Variants in UHRF2 observed in about 807,000 individuals in gnomAD.
UHRF2 encodes the protein ubiquitin like with PHD and ring finger domains 2.
A neutral mutation model predicts 96.8 loss-of-function variants in UHRF2; 23 were observed. The ratio of observed to expected loss-of-function variants is 0.24; its 90% CI spans 0.17 to 0.34. The LOEUF is 0.34. Ranked by LOEUF, UHRF2 falls within the 10% of genes least tolerant of loss-of-function variation. The probability of loss-of-function intolerance (pLI) is 1.00; values close to 1 mark genes in which losing one functional copy is unlikely to be tolerated. For synonymous variants in UHRF2, 385 were observed against 332.6 expected (o/e 1.16, Z -1.72); for missense variants, 685 against 981.5 (o/e 0.70, Z 4.04).
intron 2 of UHRF2, among the ~76,000 whole-genome samples, chr9:6,427,744 T>G (rs1470621871): frequency 1.3e-5 from 2 of 152,208 alleles, no homozygotes; most frequent in Non-Finnish European, 2.9e-5. Flanking sequence ...TTTGCTCTGT[T>G]TGATAACTGA....
At chr9:6,496,459 G>T (rs1372769065) in intron 10 of UHRF2, 1 of 152,140 alleles carries the variant, frequency 6.6e-6, no homozygotes, top group Non-Finnish European at 1.5e-5. Context: ...ACTACTATTA[G>T]GTGAATGCAT....
Position 6,421,011 on chromosome 9 carries a change from A to G in UHRF2, c.253A>G (p.Thr85Ala). The stretch of plus-strand genomic sequence containing the variant: ...CCCTGATCATCTTCCTGGCACATCT[A>G]CACAGATTGAGGCTAAACCCTGTTC... ...PDPDHLPGTS[T>A]QIEAKPCSNS... Residue 85 changes from threonine (T) to alanine (A), a missense_variant, in exon 2 of 16, where the codon ACA becomes GCA. Thr to Ala is a moderately conservative substitution (Grantham distance 58). Transcript: ENST00000276893. 2 of 1,614,162 alleles carry G rather than the reference A, an allele frequency of 1.2e-6. No homozygotes were observed. The highest frequency in any genetic ancestry group is 2.2e-5 in the South Asian group (2 of 91,076).
At chr9:6,426,233 G>C (rs893514514) in intron 2 of UHRF2, among the ~76,000 whole-genome samples, 11 of 152,160 alleles carry the variant, frequency 7.2e-5, no homozygotes, top group African/African-American at 2.7e-4. Flanking sequence ...CTTTGGCTGT[G>C]AACTACAGAA....
intron 3 of UHRF2, among the ~76,000 whole-genome samples, chr9:6,454,306 A>G (rs150612362): frequency 6.6e-6 from 1 of 152,362 alleles, no homozygotes; most frequent in East Asian, 1.9e-4. Context: ...ACAAGGATCC[A>G]AAACCTTGTC....
intron 8 of UHRF2, among the ~76,000 whole-genome samples, chr9:6,486,109 G>A (rs896238838): frequency 6.6e-6 from 1 of 152,118 alleles, no homozygotes; most frequent in African/African-American, 2.4e-5. Flanking sequence ...GTTGACTTGG[G>A]TTTGATACTG....
intron 1 of UHRF2, among the ~76,000 whole-genome samples, chr9:6,417,893 C>A (rs1483925792): frequency 6.6e-6 from 1 of 152,144 alleles, no homozygotes; most frequent in Non-Finnish European, 1.5e-5. Flanking sequence ...TGTAGAAATA[C>A]CCTCAACGTC....
intron 8 of UHRF2, 26 bp downstream of exon 8, chr9:6,482,125 A>G (rs1475046716): frequency 1.3e-6 from 2 of 1,577,390 alleles, no homozygotes; most frequent in Admixed American, 1.7e-5. Context: ...GGCTTAGTTG[A>G]AAGGGGAGAA....
intron 4 of UHRF2, among the ~76,000 whole-genome samples, chr9:6,463,125 T>C (rs1384278922): frequency 6.6e-6 from 1 of 151,390 alleles, no homozygotes; most frequent in African/African-American, 2.4e-5. Flanking sequence ...CACTAAAAAA[T>C]ACAAAATTAG....
intron 4 of UHRF2, among the ~76,000 whole-genome samples, chr9:6,461,089 A>G (rs572809719): frequency 6.6e-6 from 1 of 152,322 alleles, no homozygotes; most frequent in African/African-American, 2.4e-5. Context: ...AAAACAATAT[A>G]TAAAAGCATT....
chr9:6,448,108 G>A (rs534900858), intron 3 of UHRF2, among the ~76,000 whole-genome samples: 15 of 152,224 alleles, frequency 9.9e-5, no homozygotes, highest in African/African-American at 3.4e-4. Flanking sequence ...CCTACAATCT[G>A]GACAAAGCAA....
At chr9:6,431,247 T>C (rs1400029802) in intron 2 of UHRF2, among the ~76,000 whole-genome samples, 3 of 152,346 alleles carry the variant, frequency 2.0e-5, no homozygotes, top group Non-Finnish European at 4.4e-5. Flanking sequence ...ACCCAGTTTA[T>C]GTGCATTTCT....
chr9:6,418,896 G>C (rs969404700), intron 1 of UHRF2, among the ~76,000 whole-genome samples: 1 of 152,182 alleles, frequency 6.6e-6, no homozygotes, highest in Non-Finnish European at 1.5e-5. Flanking sequence ...TCCTCTGATA[G>C]CTCTAGGGGG....
intron 2 of UHRF2, among the ~76,000 whole-genome samples, chr9:6,423,839 G>A (rs942387580): frequency 5.3e-5 from 8 of 151,964 alleles, no homozygotes; most frequent in African/African-American, 1.5e-4. Flanking sequence ...CAGCTACTCC[G>A]GAGGCTGAGG....
intron 3 of UHRF2, among the ~76,000 whole-genome samples, chr9:6,454,975 A>G (rs1175976839): frequency 1.3e-5 from 2 of 152,116 alleles, no homozygotes; most frequent in Non-Finnish European, 2.9e-5. Flanking sequence ...TTTCCAGATG[A>G]TGTTGATGCT....
chr9:6,490,393 C>T (rs149702272), intron 9 of UHRF2, among the ~76,000 whole-genome samples: 167 of 152,214 alleles, frequency 1.1e-3, no homozygotes, highest in East Asian at 7.7e-3. Flanking sequence ...TTTCGGAGTC[C>T]GAGGTGGGCT....
At chr9:6,479,150 G>C (rs141707244) in intron 6 of UHRF2, among the ~76,000 whole-genome samples, 2 of 151,872 alleles carry the variant, frequency 1.3e-5, no homozygotes, top group Non-Finnish European at 2.9e-5. Flanking sequence ...TGCCTACCCC[G>C]TTCTCTGCTT....
chr9:6,496,894 A>G, intron 10 of UHRF2: 1 of 220,292 alleles, frequency 4.5e-6, no homozygotes, highest in Admixed American at 5.6e-5. Context: ...AACGTTATTT[A>G]AAGAAAAATT....
At chr9:6,470,341 A>G (rs1381365070) in intron 4 of UHRF2, among the ~76,000 whole-genome samples, 1 of 151,672 alleles carries the variant, frequency 6.6e-6, no homozygotes, top group Non-Finnish European at 1.5e-5. Flanking sequence ...CCTAGGTGAC[A>G]GAGCAAGACT....
chr9:6,419,226 T>G (rs1169927055), intron 1 of UHRF2, among the ~76,000 whole-genome samples: 3 of 152,218 alleles, frequency 2.0e-5, no homozygotes, highest in African/African-American at 4.8e-5. Flanking sequence ...TTTGTTAAAT[T>G]TATTTTCTGA....
Sources: allele counts gnomAD v4.1 joint callset (sites outside exome capture counted in the v4.1 genomes callset), GRCh38; gene constraint gnomAD v4.1.1; transcripts MANE v1.5; gene names NCBI Gene and HGNC (gene_info 2026-07-23, HGNC 2026-07-21).